The following RAB33A variants were observed in gnomAD, a reference collection of about 807,000 sequenced individuals.
RAB33A encodes the protein RAB33A, member RAS oncogene family, also known as ras-related protein Rab-33A.
Under a neutral mutation model 12.0 loss-of-function variants are expected in RAB33A, and 6 were observed. That is an observed-to-expected ratio of 0.50 (90% confidence interval 0.27 to 0.99). RAB33A has a LOEUF of 0.99. RAB33A is among the 50% of genes least tolerant of loss of function. The pLI is 0.11. For synonymous variants in RAB33A, 70 were observed against 82.4 expected (o/e 0.85, Z 0.81); for missense variants, 109 against 192.0 (o/e 0.57, Z 2.55).
At chrX:130,130,256 T>C in the RAB33A span, 6 of 1,018,469 alleles carry the variant, frequency 5.9e-6, no homozygotes, top group African/African-American at 1.1e-4. Flanking sequence ...GCCAACAGTC[T>C]TTCGAGGCCT....
chrX:130,163,140 C>G, the RAB33A span, among the ~76,000 whole-genome samples: 1 of 109,638 alleles, frequency 9.1e-6, no homozygotes, highest in Admixed American at 9.8e-5. Context: ...GAAACCCCGT[C>G]TCTACTAAAA....
intron 1 of RAB33A, among the ~76,000 whole-genome samples, chrX:130,182,157 A>AAAT (rs1384841230): frequency 4.5e-5 from 2 of 44,616 alleles, no homozygotes; most frequent in Non-Finnish European, 6.6e-5. Context: ...AAAAAAAAAA[A>AAAT]ATATATATAT....
At chrX:130,178,522 G>A (rs2031686892) in intron 1 of RAB33A, among the ~76,000 whole-genome samples, 4 of 109,659 alleles carry the variant, frequency 3.6e-5, no homozygotes, top group South Asian at 4.0e-4. Flanking sequence ...CCAGCTACTC[G>A]GGAGGCCAAG....
intron 1 of RAB33A, among the ~76,000 whole-genome samples, chrX:130,179,522 T>C (rs1236669830): frequency 9.2e-6 from 1 of 109,233 alleles, no homozygotes; most frequent in Non-Finnish European, 1.9e-5. Flanking sequence ...GTAATGATAT[T>C]CCTGGGCTAT....
At chrX:130,137,589 T>C in the RAB33A span, 1 of 1,149,736 alleles carries the variant, frequency 8.7e-7, no homozygotes, top group African/African-American at 1.8e-5. Flanking sequence ...CACAGATCTC[T>C]CAAGCTGGGA....
chrX:130,116,066 C>T, the RAB33A span, among the ~76,000 whole-genome samples: 105 of 108,399 alleles, frequency 9.7e-4, 5 homozygotes, highest in Non-Finnish European at 1.9e-5. Context: ...TGCCTGATAG[C>T]CCATCATGTT....
chrX:130,135,510 A>G, the RAB33A span, among the ~76,000 whole-genome samples: 41 of 107,827 alleles, frequency 3.8e-4, no homozygotes, highest in African/African-American at 1.3e-3. Context: ...CCTTAGTTGC[A>G]GAGTCCATAA....
chrX:130,112,821 G>A, the RAB33A span, among the ~76,000 whole-genome samples: 1 of 110,873 alleles, frequency 9.0e-6, no homozygotes, highest in East Asian at 2.9e-4. Context: ...AGCCGAGATC[G>A]TGCCACTGCA....
chrX:130,163,846 C>A, the RAB33A span, among the ~76,000 whole-genome samples: 2 of 111,087 alleles, frequency 1.8e-5, no homozygotes, highest in African/African-American at 6.5e-5. Context: ...GTTTGAAAGG[C>A]CAGTGTGGAT....
At chrX:130,162,567 A>G in the RAB33A span, among the ~76,000 whole-genome samples, 1 of 112,227 alleles carries the variant, frequency 8.9e-6, no homozygotes, top group Non-Finnish European at 1.9e-5. Flanking sequence ...CTGCCAAAGA[A>G]TTTCTTCTGC....
the RAB33A span, among the ~76,000 whole-genome samples, chrX:130,121,306 G>A: frequency 1.0e-5 from 1 of 98,241 alleles, no homozygotes; most frequent in African/African-American, 3.8e-5. Context: ...CTGCAGTGGC[G>A]CGATCTTGGC....
At chrX:130,147,988 C>T in the RAB33A span, 2 of 976,164 alleles carry the variant, frequency 2.0e-6, no homozygotes, top group Non-Finnish European at 2.9e-6. Context: ...ATAAAGCTAG[C>T]AAAACATATG....
At chrX:130,165,700 A>C in the RAB33A span, 1 of 1,075,508 alleles carries the variant, frequency 9.3e-7, no homozygotes, top group Non-Finnish European at 1.3e-6. Context: ...CTTTCCTCTC[A>C]CGCACGACCG....
the RAB33A span, among the ~76,000 whole-genome samples, chrX:130,163,788 T>C: frequency 9.0e-6 from 1 of 111,713 alleles, no homozygotes; most frequent in Non-Finnish European, 1.9e-5. Context: ...GGTCAGACTT[T>C]AGAATGCTGG....
At chrX:130,141,816 T>C in the RAB33A span, among the ~76,000 whole-genome samples, 2 of 112,045 alleles carry the variant, frequency 1.8e-5, no homozygotes, top group East Asian at 5.6e-4. Context: ...ATTCTACTTG[T>C]TGGTCACAAT....
the RAB33A span, among the ~76,000 whole-genome samples, chrX:130,120,514 T>C: frequency 1.8e-5 from 2 of 111,737 alleles, no homozygotes; most frequent in African/African-American, 3.3e-5. Context: ...TGCCTGCGGG[T>C]CAAGAGCGCC....
chrX:130,154,726 G>A, the RAB33A span, among the ~76,000 whole-genome samples: 9 of 112,097 alleles, frequency 8.0e-5, no homozygotes, highest in African/African-American at 2.9e-4. Flanking sequence ...CTGGTTGATC[G>A]TTTCCCACAA....
the RAB33A span, among the ~76,000 whole-genome samples, chrX:130,153,178 C>CAAAAAAAAAAAA: frequency 4.6e-5 from 2 of 43,893 alleles, no homozygotes; most frequent in Non-Finnish European, 8.3e-5. Context: ...ACTAAAAATA[C>CAAAAAAAAAAAA]AAAAAAAAAA....
At chrX:130,115,535 C>T in the RAB33A span, among the ~76,000 whole-genome samples, 2 of 110,725 alleles carry the variant, frequency 1.8e-5, no homozygotes, top group Admixed American at 9.7e-5. Context: ...ATCACTTGAA[C>T]CCGGGAGGCA....
Sources: gnomAD v4.1 joint callset for allele counts (sites outside exome capture counted in the v4.1 genomes callset) on GRCh38, gnomAD v4.1.1 for gene constraint, MANE v1.5 for transcripts, NCBI Gene and HGNC (gene_info 2026-07-23, HGNC 2026-07-21) for gene names.